Variants in SLC24A2 observed in about 807,000 individuals in gnomAD.
SLC24A2 encodes sodium/potassium/calcium exchanger 2.
A neutral mutation model predicts 62.0 loss-of-function variants in SLC24A2; 36 were observed. That is an observed-to-expected ratio of 0.58 (90% CI 0.44 to 0.77). SLC24A2 has a LOEUF of 0.77. SLC24A2 is among the 30% of genes least tolerant of loss of function. The pLI, the probability that SLC24A2 is intolerant of heterozygous loss-of-function variation, is 0.00. For synonymous variants in SLC24A2, 358 were observed against 294.0 expected (o/e 1.22, Z -2.23); for missense variants, 846 against 817.9 (o/e 1.03, Z -0.42).
At chr9:20,200,919 T>C in the SLC24A2 span, among the ~76,000 whole-genome samples, 1 of 152,246 alleles carries the variant, frequency 6.6e-6, no homozygotes, top group Admixed American at 6.5e-5. Flanking sequence ...AGTTTTGTTC[T>C]GTAGCTCATT....
chr9:19,992,563 T>A, the SLC24A2 span, among the ~76,000 whole-genome samples: 4 of 152,308 alleles, frequency 2.6e-5, no homozygotes, highest in African/African-American at 7.2e-5. Context: ...ATTAAAAACA[T>A]CTGAGATAAG....
the SLC24A2 span, among the ~76,000 whole-genome samples, chr9:20,164,477 G>C: frequency 6.6e-6 from 1 of 151,796 alleles, no homozygotes; most frequent in Non-Finnish European, 1.5e-5. Context: ...TAAAAAGTCA[G>C]GAAACAACAG....
At chr9:20,253,803 G>T in the SLC24A2 span, among the ~76,000 whole-genome samples, 1 of 152,144 alleles carries the variant, frequency 6.6e-6, no homozygotes, top group Non-Finnish European at 1.5e-5. Context: ...CAGTTCACGG[G>T]GGGTCAGAGC....
chr9:20,281,322 A>C, the SLC24A2 span, among the ~76,000 whole-genome samples: 1 of 152,336 alleles, frequency 6.6e-6, no homozygotes, highest in South Asian at 2.1e-4. Context: ...TATACTTTTT[A>C]TTGAAGTATA....
the SLC24A2 span, among the ~76,000 whole-genome samples, chr9:20,260,845 C>CTTTTTTTTTTTTTTT: frequency 5.7e-4 from 63 of 110,498 alleles, 4 homozygotes; most frequent in East Asian, 1.8e-3. Context: ...ACGTATCATT[C>CTTTTTTTTTTTTTTT]TTTCTTTTTT....
At chr9:19,975,738 T>A in the SLC24A2 span, among the ~76,000 whole-genome samples, 8 of 152,208 alleles carry the variant, frequency 5.3e-5, no homozygotes, top group Admixed American at 5.2e-4. Context: ...TTGGAGACTT[T>A]TTTTTTTCCA....
At chr9:20,290,144 T>C in the SLC24A2 span, among the ~76,000 whole-genome samples, 6 of 152,300 alleles carry the variant, frequency 3.9e-5, no homozygotes, top group East Asian at 1.2e-3. Flanking sequence ...AGCTATTCTC[T>C]GCTGAAAACA....
chr9:19,765,586 G>A (rs550052497), intron 2 of SLC24A2, among the ~76,000 whole-genome samples: 8 of 152,296 alleles, frequency 5.3e-5, no homozygotes, highest in African/African-American at 1.7e-4. Context: ...GAAATTCTGG[G>A]TTGATAATTC....
chr9:19,738,409 G>A (rs2118752706), intron 2 of SLC24A2, among the ~76,000 whole-genome samples: 1 of 152,246 alleles, frequency 6.6e-6, no homozygotes, highest in East Asian at 1.9e-4. Flanking sequence ...GAGAGAGAGA[G>A]AACGCATGCA....
chr9:19,824,327 GA>G, the SLC24A2 span, among the ~76,000 whole-genome samples: 8 of 151,748 alleles, frequency 5.3e-5, no homozygotes, highest in Non-Finnish European at 7.4e-5. Context: ...AAATTTACAA[GA>G]AAAAAACAAC....
intron 5 of SLC24A2, among the ~76,000 whole-genome samples, chr9:19,592,479 T>G (rs1440311362): frequency 9.7e-5 from 4 of 41,430 alleles, no homozygotes; most frequent in Admixed American, 2.9e-4. Context: ...TCTACCGACC[T>G]ACCTACCTAC....
the SLC24A2 span, among the ~76,000 whole-genome samples, chr9:20,130,006 C>A: frequency 5.3e-5 from 8 of 150,376 alleles, no homozygotes; most frequent in East Asian, 1.6e-3. Flanking sequence ...GCCTGCAATT[C>A]TATTTCTTCT....
chr9:20,263,285 C>A, the SLC24A2 span, among the ~76,000 whole-genome samples: 1 of 152,188 alleles, frequency 6.6e-6, no homozygotes, highest in African/African-American at 2.4e-5. Flanking sequence ...CAGGATCTCA[C>A]TCTGTTGCCC....
the SLC24A2 span, among the ~76,000 whole-genome samples, chr9:20,173,138 T>C: frequency 6.6e-6 from 1 of 152,020 alleles, no homozygotes; most frequent in Non-Finnish European, 1.5e-5. Flanking sequence ...AGCAACCCTT[T>C]ATGATTAAAA....
At chr9:19,834,991 G>A in the SLC24A2 span, among the ~76,000 whole-genome samples, 1 of 152,056 alleles carries the variant, frequency 6.6e-6, no homozygotes, top group Non-Finnish European at 1.5e-5. Flanking sequence ...CATAAGTGAA[G>A]GAGAAATAAA....
At chr9:19,788,837 C>CGCCACAGCG (rs1476093151) in intron 1 of SLC24A2, 48 bp downstream of exon 1, 40 of 985,316 alleles carry the variant, frequency 4.1e-5, no homozygotes, top group African/African-American at 5.2e-5. Flanking sequence ...CGGGGACGAC[C>CGCCACAGCG]GCCACAGCGG....
At chr9:20,205,102 A>T in the SLC24A2 span, among the ~76,000 whole-genome samples, 281 of 152,286 alleles carry the variant, frequency 1.8e-3, 2 homozygotes, top group African/African-American at 6.5e-3. Flanking sequence ...TGCCTGCAGG[A>T]TGAAAAGTCA....
At chr9:19,676,769 G>A (rs1294771086) in intron 2 of SLC24A2, among the ~76,000 whole-genome samples, 1 of 152,148 alleles carries the variant, frequency 6.6e-6, no homozygotes, top group African/African-American at 2.4e-5. Context: ...TATTAGGAAG[G>A]ATAGATTTGG....
chr9:19,859,583 C>T, the SLC24A2 span, among the ~76,000 whole-genome samples: 2 of 152,166 alleles, frequency 1.3e-5, no homozygotes, highest in Non-Finnish European at 2.9e-5. Flanking sequence ...TGCAAGCACA[C>T]CAAATAAACA....
Sources: allele counts gnomAD v4.1 joint callset (sites outside exome capture counted in the v4.1 genomes callset), GRCh38; gene constraint gnomAD v4.1.1; transcripts MANE v1.5; gene names NCBI Gene and HGNC (gene_info 2026-07-23, HGNC 2026-07-21).